Variants in TRPM3 observed in about 807,000 individuals in gnomAD.
TRPM3 encodes transient receptor potential cation channel subfamily M member 3.
A neutral mutation model predicts 181.2 loss-of-function variants in TRPM3; 77 were observed. The ratio of observed to expected loss-of-function variants is 0.42; its 90% CI spans 0.35 to 0.51. TRPM3 has a LOEUF of 0.51. Among genes scored for constraint, TRPM3 ranks in the 20% least tolerant of loss-of-function variants. The pLI, the probability that TRPM3 is intolerant of heterozygous loss-of-function variation, is 0.01. For missense variants in TRPM3, 1,759 were observed against 2,196.7 expected (o/e 0.80, Z 3.98); for synonymous variants, 745 against 796.4 (o/e 0.94, Z 1.09).
chr9:71,165,733 T>C (rs753391589), intron 1 of TRPM3, among the ~76,000 whole-genome samples: 4 of 152,134 alleles, frequency 2.6e-5, no homozygotes, highest in East Asian at 1.9e-4. Context: ...GAGAGAGGCA[T>C]AAATTATTTC....
Position 70,530,351 on chromosome 9 carries a change from CT to C in TRPM3, c.*5601del. 1 of 152,444 alleles carries C rather than the reference CT, an allele frequency of 6.6e-6. No individual in the cohort carries two copies. The highest frequency in any genetic ancestry group is 1.5e-5 in the Non-Finnish European group (1 of 68,138). The allele number at this position is 152,444 out of a possible 1,614,324, so 9.4% of individuals were successfully genotyped here. ...TCCAGGCACAAGGCTGAATTTCCCCCTTTGCCCCATAGGCCTCAGCCACCTG... is the reference window on the plus strand; with the variant it reads ...TCCAGGCACAAGGCTGAATTTCCCCCTTGCCCCATAGGCCTCAGCCACCTG... On this transcript the variant is annotated 3_prime_UTR_variant, in exon 26 of 26. Coordinates refer to ENST00000677713, the MANE Select transcript of TRPM3 (RefSeq NM_001366145.2).
At chr9:70,548,028 C>T (rs1223509970) in intron 25 of TRPM3, among the ~76,000 whole-genome samples, 1 of 152,106 alleles carries the variant, frequency 6.6e-6, no homozygotes, top group African/African-American at 2.4e-5. Context: ...CTCTTTTTTC[C>T]CTACCTCTCT....
intron 8 of TRPM3, among the ~76,000 whole-genome samples, chr9:70,741,468 TG>T (rs2074072842): frequency 6.6e-6 from 1 of 152,218 alleles, no homozygotes; most frequent in Admixed American, 6.5e-5. Flanking sequence ...ATCACACTAC[TG>T]GGTATCTACC....
chr9:70,913,523 T>G (rs1325811623), intron 1 of TRPM3, among the ~76,000 whole-genome samples: 1 of 152,190 alleles, frequency 6.6e-6, no homozygotes, highest in Non-Finnish European at 1.5e-5. Context: ...AGTTCAAAAC[T>G]ACCAGAGGGA....
intron 8 of TRPM3, among the ~76,000 whole-genome samples, chr9:70,757,082 T>C (rs951674605): frequency 1.3e-5 from 2 of 151,284 alleles, no homozygotes; most frequent in African/African-American, 2.4e-5. Context: ...CAAAATAGAC[T>C]GCTAGACAGA....
intron 1 of TRPM3, among the ~76,000 whole-genome samples, chr9:71,005,395 A>C (rs2097662862): frequency 6.6e-6 from 1 of 152,112 alleles, no homozygotes; most frequent in African/African-American, 2.4e-5. Context: ...AACTAGAGTG[A>C]AACTCCATGT....
At chr9:71,419,348 A>G (rs995242793) in intron 1 of TRPM3, among the ~76,000 whole-genome samples, 1 of 151,974 alleles carries the variant, frequency 6.6e-6, no homozygotes, top group Admixed American at 6.6e-5. Context: ...GGCTGTTCAG[A>G]TGTTTCAAGA....
At chr9:70,576,110 G>A (rs2053861289) in intron 22 of TRPM3, among the ~76,000 whole-genome samples, 1 of 152,162 alleles carries the variant, frequency 6.6e-6, no homozygotes, top group South Asian at 2.1e-4. Flanking sequence ...TGTAGAGACA[G>A]GTGAATCTCC....
rs1204525145 is a variant in TRPM3, at chr9:70,530,894, C to T, written c.*5059G>A. On this transcript the variant is annotated 3_prime_UTR_variant, in exon 26 of 26. Transcript: ENST00000677713. Reference sequence around the variant, plus strand: ...TGTGCAAATTGGCTCCTCTCTTTAACAGATGTTGAATGGCTTCTAGTAATG... The same window carrying T: ...TGTGCAAATTGGCTCCTCTCTTTAATAGATGTTGAATGGCTTCTAGTAATG... The T allele has an allele frequency of 6.6e-6, 1 of 152,146 alleles. No homozygotes were observed. The highest frequency in any genetic ancestry group is 1.5e-5 in the Non-Finnish European group (1 of 68,034). 9.4% of individuals were successfully genotyped at this position (152,146 alleles called of 1,614,324 possible).
rs562454289 is a variant in TRPM3, at chr9:70,974,396, G to A, written c.178-109885C>T. Among the ~76,000 whole-genome samples, 14 of 152,180 alleles carry A rather than the reference G, an allele frequency of 9.2e-5. 1 individual carries two copies. In the South Asian group the frequency reaches 2.3e-3, roughly 25 times the overall value. ...CTACTAAAAATACCAAAAATTAGCC[G>A]CGCGTGGTGGCGGGCTCCTGTAGTA... On this transcript the variant is annotated intron_variant, in intron 1 of 25. Transcript: ENST00000677713.
chr9:70,873,777 A>G (rs1262904993), intron 1 of TRPM3, among the ~76,000 whole-genome samples: 1 of 151,946 alleles, frequency 6.6e-6, no homozygotes, highest in Non-Finnish European at 1.5e-5. Context: ...TTTCTTTCCA[A>G]CATGTATAAT....
intron 6 of TRPM3, chr9:70,811,061 C>T (rs1250943935): frequency 6.1e-6 from 5 of 818,016 alleles, no homozygotes; most frequent in Non-Finnish European, 9.8e-6. Context: ...GATAAAACAA[C>T]AGTCATAGGG....
At chr9:71,346,870 C>G (rs1373907593) in intron 1 of TRPM3, among the ~76,000 whole-genome samples, 2 of 100,380 alleles carry the variant, frequency 2.0e-5, no homozygotes, top group African/African-American at 7.7e-5. Context: ...GACAGAGAAT[C>G]TGTTTCGTAT....
rs1554836762 is a variant in TRPM3 at position 71,159,105 on chromosome 9, T to TTAGAGAGAG, written c.183+287547_183+287548insCTCTCTCTA. On this transcript the variant is annotated intron_variant, in intron 1 of 24. Transcript: ENST00000357533. ...TGAGCCTATATTATATATATATATT[T>TTAGAGAGAG]AGAGAGAGAGAGAGAGAGAGAGAGA... is the stretch of plus-strand genomic sequence containing the variant. Among the ~76,000 whole-genome samples, 684 of 144,116 alleles carry TTAGAGAGAG rather than the reference T, an allele frequency of 4.7e-3. 11 individuals are homozygous for TTAGAGAGAG. Among genetic ancestry groups the TTAGAGAGAG allele is most frequent in the African/African-American group, 0.017 (662 of 38,752 alleles). 94.5% of individuals were successfully genotyped at this position (144,116 alleles called of 152,430 possible). A position where few individuals can be genotyped will look rare whatever the true frequency, so the allele number is the denominator to read the frequency against.
At chr9:71,396,145 G>T (rs570412847) in intron 1 of TRPM3, among the ~76,000 whole-genome samples, 2 of 152,240 alleles carry the variant, frequency 1.3e-5, no homozygotes, top group East Asian at 3.9e-4. Flanking sequence ...TTTGTAAATG[G>T]TTTTCTGCTC....
Position 70,638,837 on chromosome 9 carries a change from T to C in TRPM3, c.1581+223A>G, listed in dbSNP as rs558298764. 3.9e-5 allele frequency among the ~76,000 whole-genome samples: 6 copies of C among 152,262 alleles called. No individual in the cohort carries two copies. In the South Asian group the frequency reaches 1.2e-3, roughly 32 times the overall value. On this transcript the variant is annotated intron_variant, in intron 11 of 25. Transcript: ENST00000677713. ...TATGAGAATGATACACTTAGGTTATTACATAACTTTTTGCCTTACATGCTG... is the reference window on the plus strand; with the variant it reads ...TATGAGAATGATACACTTAGGTTATCACATAACTTTTTGCCTTACATGCTG...
intron 1 of TRPM3, among the ~76,000 whole-genome samples, chr9:70,930,584 G>A (rs1302223577): frequency 6.6e-6 from 1 of 152,148 alleles, no homozygotes; most frequent in Admixed American, 6.5e-5. Flanking sequence ...GTTAAGGATA[G>A]AGTACTACAC....
At chr9:70,921,367 A>G (rs570330830) in intron 1 of TRPM3, among the ~76,000 whole-genome samples, 2 of 152,324 alleles carry the variant, frequency 1.3e-5, no homozygotes, top group East Asian at 3.9e-4. Flanking sequence ...ACCATACCTA[A>G]TTGCTTACTC....
At chr9:71,282,219 A>G (rs2084829642) in intron 1 of TRPM3, among the ~76,000 whole-genome samples, 1 of 131,298 alleles carries the variant, frequency 7.6e-6, no homozygotes, top group African/African-American at 3.3e-5. Context: ...AAAGAAAGGA[A>G]AGAAAGAAAG....
Sources: allele counts gnomAD v4.1 joint callset (sites outside exome capture counted in the v4.1 genomes callset), GRCh38; gene constraint gnomAD v4.1.1; transcripts MANE v1.5; gene names NCBI Gene and HGNC (gene_info 2026-07-23, HGNC 2026-07-21).